Variants in ASPH observed in about 807,000 individuals in gnomAD.
ASPH encodes aspartate beta-hydroxylase.
In ASPH, 100 loss-of-function variants were observed where a neutral mutation model predicts 118.4. The ratio of observed to expected loss-of-function variants is 0.84; its 90% CI spans 0.72 to 1.00. The LOEUF is 1.00. Ranked by LOEUF, ASPH falls within the 50% of genes least tolerant of loss-of-function variation. The pLI, the probability that ASPH is intolerant of heterozygous loss-of-function variation, is 0.00. For missense variants in ASPH, 920 were observed against 919.5 expected, an observed-to-expected ratio of 1.00 and a Z score of -0.01; for synonymous variants, 315 against 325.6, an observed-to-expected ratio of 0.97 and a Z score of 0.35.
intron 16 of ASPH, among the ~76,000 whole-genome samples, chr8:61,570,310 G>A (rs1833089725): frequency 6.6e-6 from 1 of 152,118 alleles, no homozygotes; most frequent in African/African-American, 2.4e-5. Flanking sequence ...CCATTATAAA[G>A]TTGAAAAATT....
At chr8:61,646,993 G>A (rs754676697) in intron 5 of ASPH, 115 bp from the exon 6 acceptor site, 208 of 1,371,362 alleles carry the variant, frequency 1.5e-4, no homozygotes, top group Non-Finnish European at 1.9e-4. Context: ...CCCTCCTTTC[G>A]GCCGCTGAAG....
intron 3 of ASPH, among the ~76,000 whole-genome samples, chr8:61,671,577 A>T (rs1822560537): frequency 6.6e-6 from 1 of 152,236 alleles, no homozygotes; most frequent in Non-Finnish European, 1.5e-5. Flanking sequence ...GCTGAAAAAC[A>T]ACTGCCATGC....
At chr8:61,654,135 TA>T (rs1298046210) in intron 3 of ASPH, among the ~76,000 whole-genome samples, 7 of 152,304 alleles carry the variant, frequency 4.6e-5, no homozygotes, top group African/African-American at 1.7e-4. Flanking sequence ...AAATCATACA[TA>T]ACTATTTATT....
At chr8:61,632,046 T>C (rs1855852516) in intron 13 of ASPH, 1 of 152,236 alleles carries the variant, frequency 6.6e-6, no homozygotes, top group Non-Finnish European at 1.5e-5. Context: ...ACCTCTAAGA[T>C]CAGGCTAATT....
At chr8:61,665,708 A>T in intron 3 of ASPH, 1 of 1,235,748 alleles carries the variant, frequency 8.1e-7, no homozygotes, top group South Asian at 1.8e-5. Context: ...ATCTCTCCAC[A>T]CACAGGAAAT....
chr8:61,684,953 T>C (rs1589170449), intron 1 of ASPH, among the ~76,000 whole-genome samples: 2 of 152,094 alleles, frequency 1.3e-5, no homozygotes, highest in East Asian at 3.8e-4. Flanking sequence ...AGGAATATAA[T>C]ACATATATCA....
At chr8:61,554,706 G>A (rs1827217930) in intron 19 of ASPH, among the ~76,000 whole-genome samples, 1 of 151,936 alleles carries the variant, frequency 6.6e-6, no homozygotes, top group Non-Finnish European at 1.5e-5. Flanking sequence ...ACTGGGTCTT[G>A]CTCTGTTTTT....
chr8:61,559,239 T>C (rs2131368141), intron 18 of ASPH, among the ~76,000 whole-genome samples: 1 of 152,360 alleles, frequency 6.6e-6, no homozygotes, highest in Non-Finnish European at 1.5e-5. Context: ...GCTTACTTCA[T>C]TATAAGAATA....
intron 13 of ASPH, among the ~76,000 whole-genome samples, chr8:61,627,893 T>G (rs1401060923): frequency 6.6e-6 from 1 of 152,144 alleles, no homozygotes; most frequent in Non-Finnish European, 1.5e-5. Flanking sequence ...CTGCCATTCA[T>G]TCACAAGGAC....
intron 13 of ASPH, chr8:61,624,094 A>G: frequency 2.1e-6 from 1 of 485,604 alleles, no homozygotes; most frequent in Non-Finnish European, 2.7e-6. Context: ...TATACAATGA[A>G]TAAGATCTAG....
intron 19 of ASPH, among the ~76,000 whole-genome samples, chr8:61,555,595 T>C (rs924728525): frequency 2.6e-5 from 4 of 152,218 alleles, no homozygotes; most frequent in African/African-American, 9.6e-5. Flanking sequence ...ACCCGGCCTA[T>C]TGTCTTTATT....
chr8:61,579,567 A>G, intron 15 of ASPH: 1 of 1,519,192 alleles, frequency 6.6e-7, no homozygotes, highest in Middle Eastern at 2.2e-4. Flanking sequence ...CGCAGGCTCC[A>G]GCTCCCTCAG....
chr8:61,539,062 T>TTTTAGTA (rs1820699112), intron 21 of ASPH, among the ~76,000 whole-genome samples: 1 of 151,910 alleles, frequency 6.6e-6, no homozygotes, highest in Non-Finnish European at 1.5e-5. Flanking sequence ...GCCAACATGG[T>TTTTAGTA]GAAACCCGTC....
intron 14 of ASPH, among the ~76,000 whole-genome samples, chr8:61,594,500 C>T (rs1049199001): frequency 4.6e-5 from 7 of 152,176 alleles, no homozygotes; most frequent in African/African-American, 1.4e-4. Context: ...TGCTCTGCAA[C>T]ATCTCAGCTA....
chr8:61,710,007 T>A (rs982226964), intron 1 of ASPH, among the ~76,000 whole-genome samples: 1 of 152,092 alleles, frequency 6.6e-6, no homozygotes, highest in Admixed American at 6.5e-5. Flanking sequence ...GAATAAATCA[T>A]CAAAAAAGTC....
intron 11 of ASPH, 133 bp downstream of exon 11, chr8:61,638,189 C>T: frequency 8.1e-7 from 1 of 1,241,704 alleles, no homozygotes; most frequent in Non-Finnish European, 1.1e-6. Flanking sequence ...TTTTGATACT[C>T]AATTATTTTC....
At chr8:61,629,952 C>T (rs1854799664) in intron 13 of ASPH, among the ~76,000 whole-genome samples, 1 of 152,170 alleles carries the variant, frequency 6.6e-6, no homozygotes, top group Non-Finnish European at 1.5e-5. Context: ...TCAGTGTTCT[C>T]ATCTGTAAAA....
intron 1 of ASPH, among the ~76,000 whole-genome samples, chr8:61,704,798 C>G (rs991063301): frequency 6.6e-6 from 1 of 152,084 alleles, no homozygotes; most frequent in Non-Finnish European, 1.5e-5. Context: ...ACCAGAATGG[C>G]TAAAATTAAA....
At position 61,714,588 on chromosome 8, in the gene ASPH, T is replaced by A; in HGVS notation, c.-217A>T. ...GCCCGGCCTCGCGTGTACGAACCTG[T>A]GACTCCCTCCCGGGGCGAGAGCGCG... On this transcript the variant is annotated 5_prime_UTR_variant, in exon 1 of 25. Transcript: ENST00000379454. The A allele has an allele frequency of 3.3e-6, 2 of 597,510 alleles. No individual in the cohort carries two copies. The highest frequency in any genetic ancestry group is 4.9e-6 in the Non-Finnish European group (2 of 407,436). The allele number at this position is 597,510 out of a possible 1,614,324, so 37.0% of individuals were successfully genotyped here. A position where few individuals can be genotyped will look rare whatever the true frequency, so the allele number is the denominator to read the frequency against.
Sources: allele counts gnomAD v4.1 joint callset (sites outside exome capture counted in the v4.1 genomes callset), GRCh38; gene constraint gnomAD v4.1.1; transcripts MANE v1.5; gene names NCBI Gene and HGNC (gene_info 2026-07-23, HGNC 2026-07-21).